Variants in SGSM1 observed in about 807,000 individuals in gnomAD.
SGSM1 encodes RUN and TBC1 domain containing 2.
SGSM1 carries 73 observed loss-of-function variants against 133.8 expected under a neutral mutation model. That is an observed-to-expected ratio of 0.55 (90% CI 0.45 to 0.66). The LOEUF is 0.66. Ranked by LOEUF, SGSM1 falls within the 30% of genes least tolerant of loss-of-function variation. SGSM1 has a pLI of 0.00. For synonymous variants in SGSM1, 563 were observed against 573.0 expected (o/e 0.98, Z 0.25); for missense variants, 1,213 against 1,448.1 (o/e 0.84, Z 2.64).
At chr22:24,811,162 CT>C (rs1308769194) in intron 2 of SGSM1, among the ~76,000 whole-genome samples, 1 of 152,126 alleles carries the variant, frequency 6.6e-6, no homozygotes, top group African/African-American at 2.4e-5. Context: ...CTATCAGCAT[CT>C]AGTGGGAAGA....
intron 8 of SGSM1, among the ~76,000 whole-genome samples, chr22:24,859,075 A>C (rs1930975117): frequency 1.3e-5 from 2 of 152,222 alleles, no homozygotes; most frequent in Admixed American, 1.3e-4. Context: ...AAATCAAGAC[A>C]GTGCGTGTGA....
Position 24,826,700 on chromosome 22 carries a change from C to T in SGSM1, c.64-18197C>T, listed in dbSNP as rs536273953. ...GGGTAGCGATGGCAGGTGTGAGGCC[C>T]TGTTTTAGACAAGGTGATCAGGGAG... On this transcript the variant is annotated intron_variant, in intron 2 of 24. Transcript: ENST00000400358. Among the ~76,000 whole-genome samples, 13 of 152,196 alleles carry T rather than the reference C, an allele frequency of 8.5e-5. No individual in the cohort carries two copies. The East Asian group carries it at 2.3e-3, about 27-fold the overall frequency.
rs1036916675 is a variant in SGSM1, at chr22:24,927,037, G to C, written c.*2763G>C. On this transcript the variant is annotated 3_prime_UTR_variant, in exon 25 of 25. Transcript: ENST00000400358. The stretch of plus-strand genomic sequence containing the variant: ...TTAGCTGGCTCTTACCACAAGTAAT[G>C]CTGCATTACAAATGACCCAAAAAGT... 1 of 152,082 alleles carries C rather than the reference G, an allele frequency of 6.6e-6. No individual in the cohort carries two copies. Among genetic ancestry groups the C allele is most frequent in the Admixed American group, 6.6e-5 (1 of 15,264 alleles). 9.4% of individuals were successfully genotyped at this position (152,082 alleles called of 1,614,324 possible). A position where few individuals can be genotyped will look rare whatever the true frequency, so the allele number is the denominator to read the frequency against.
At chr22:24,918,989 C>T (rs10222230) in intron 23 of SGSM1, among the ~76,000 whole-genome samples, 90 of 151,632 alleles carry the variant, frequency 5.9e-4, no homozygotes, top group African/African-American at 2.1e-3. Flanking sequence ...GATCCACCCA[C>T]CTCAGCCTCC....
Position 24,886,731 on chromosome 22 carries a change from C to G in SGSM1, c.1770+3C>G, listed in dbSNP as rs774924781. ...TGACGGAAACAGAAAGGAAAGAGGTCGGTTACCTGCCATGGGCACTGGGAT... is the reference window on the plus strand; with the variant it reads ...TGACGGAAACAGAAAGGAAAGAGGTGGGTTACCTGCCATGGGCACTGGGAT... On this transcript the variant is annotated splice_donor_region_variant and intron_variant, in intron 16 of 24. Transcript: ENST00000400358. The G allele has an allele frequency of 1.3e-6, 2 of 1,581,862 alleles. No individual in the cohort carries two copies. Among genetic ancestry groups the G allele is most frequent in the South Asian group, 1.2e-5 (1 of 86,056 alleles).
intron 12 of SGSM1, among the ~76,000 whole-genome samples, chr22:24,876,086 A>G (rs1932010993): frequency 6.6e-6 from 1 of 152,176 alleles, no homozygotes; most frequent in Non-Finnish European, 1.5e-5. Context: ...TAGCCTCAGG[A>G]CCATGGACAG....
intron 21 of SGSM1, among the ~76,000 whole-genome samples, chr22:24,912,342 C>T (rs1472525624): frequency 6.6e-6 from 1 of 152,166 alleles, no homozygotes; most frequent in Non-Finnish European, 1.5e-5. Flanking sequence ...AGAAGTCTTT[C>T]CTGTCTTCTC....
chr22:24,833,159 T>C (rs1302590690), intron 2 of SGSM1, among the ~76,000 whole-genome samples: 2 of 151,518 alleles, frequency 1.3e-5, no homozygotes, highest in Non-Finnish European at 1.5e-5. Context: ...GGTCTGGAAC[T>C]CCTGACCTCA....
chr22:24,889,207 GC>G (rs1403910930), intron 16 of SGSM1, among the ~76,000 whole-genome samples: 5 of 152,004 alleles, frequency 3.3e-5, no homozygotes, highest in Admixed American at 1.3e-4. Flanking sequence ...TGATCCGCCT[GC>G]CTTGGCCTCC....
chr22:24,874,201 G>T (rs1931904942), intron 12 of SGSM1, among the ~76,000 whole-genome samples: 1 of 152,188 alleles, frequency 6.6e-6, no homozygotes. Context: ...GTTTGCTCAG[G>T]TCGTAAACTT....
In SGSM1 at chr22:24,901,846, A is replaced by T; in HGVS notation, c.2624A>T (p.Asp875Val). 6.2e-7 allele frequency: 1 copy of T among 1,613,016 alleles called. No individual in the cohort carries two copies. Among genetic ancestry groups the T allele is most frequent in the African/African-American group, 1.3e-5 (1 of 75,022 alleles). ...SGVTYSPELL[D>V]LYTVNLHRIE... ...GATGGCCTATAGCCAGAGCTGCTGG[A>T]TCTGTACACGGTGAACCTGCACCGC... is the stretch of plus-strand genomic sequence containing the variant. The change falls in exon 20 of 25, where the codon GAT (aspartate) becomes GTT (valine). Residue 875 changes from aspartate (D) to valine (V), a missense_variant. Asp to Val is a radical substitution (Grantham distance 152). Coordinates refer to ENST00000400358, the MANE Select transcript of SGSM1 (RefSeq NM_001098497.3).
intron 17 of SGSM1, 65 bp from the exon 18 acceptor site, chr22:24,895,158 G>T (rs1478495093): frequency 4.7e-6 from 7 of 1,504,412 alleles, no homozygotes; most frequent in Non-Finnish European, 4.5e-6. Context: ...CAGCCCAGCA[G>T]TCCTTCCTGC....
At chr22:24,869,637 G>T (rs760440953) in intron 12 of SGSM1, among the ~76,000 whole-genome samples, 3 of 152,194 alleles carry the variant, frequency 2.0e-5, no homozygotes, top group Non-Finnish European at 4.4e-5. Context: ...AAGATTCAAT[G>T]AGATGATGAG....
chr22:24,880,739 G>A (rs1416151681), intron 14 of SGSM1, among the ~76,000 whole-genome samples: 1 of 152,196 alleles, frequency 6.6e-6, no homozygotes, highest in Non-Finnish European at 1.5e-5. Context: ...TGGGGGAGTC[G>A]AGATGGGTCT....
chr22:24,834,107 G>C (rs774325097), intron 2 of SGSM1, among the ~76,000 whole-genome samples: 21 of 152,272 alleles, frequency 1.4e-4, no homozygotes, highest in Non-Finnish European at 1.5e-4. Context: ...CCTCTCTGGA[G>C]GTGACAGCAG....
In SGSM1 at chr22:24,890,182, T is replaced by C. The variant is rs533871109; in HGVS notation, c.1771-3249T>C. Among the ~76,000 whole-genome samples, 13 of 151,628 alleles carry C rather than the reference T, an allele frequency of 8.6e-5. No homozygotes were observed. The South Asian group carries it at 2.3e-3, about 27-fold the overall frequency. On this transcript the variant is annotated intron_variant, in intron 16 of 24. Coordinates refer to ENST00000400358, the MANE Select transcript of SGSM1 (RefSeq NM_001098497.3). ...CGTGTTAGATAGGATGGTCTCGATC[T>C]CCTGACCTTGTGATCCGCCCGCCTT... is the stretch of plus-strand genomic sequence containing the variant.
At chr22:24,893,984 A>G (rs995981763) in intron 17 of SGSM1, among the ~76,000 whole-genome samples, 2 of 152,234 alleles carry the variant, frequency 1.3e-5, no homozygotes, top group African/African-American at 4.8e-5. Context: ...AGTATCTACT[A>G]TGTGCAGGTA....
chr22:24,854,955 C>A, intron 5 of SGSM1, 41 bp from the exon 6 acceptor site: 2 of 1,546,812 alleles, frequency 1.3e-6, no homozygotes, highest in Non-Finnish European at 1.8e-6. Context: ...GCGTCCTCTG[C>A]TGGTCTCCAT....
rs1555919461 is a variant in SGSM1 at position 24,818,241 on chromosome 22, A to AAAAT, written c.63+11760_63+11761insTAAA. On this transcript the variant is annotated intron_variant, in intron 2 of 24. Transcript: ENST00000400358. ...AGCAAGACTCTGTCTCAAAAAAAAA[A>AAAAT]AAAATAAAATAAAATAAAACAAACA... Among the ~76,000 whole-genome samples, 65 of 150,838 alleles carry AAAAT rather than the reference A, an allele frequency of 4.3e-4. 1 individual carries two copies. The highest frequency in any genetic ancestry group is 5.4e-4 in the African/African-American group (22 of 40,832).
Sources: gnomAD v4.1 joint callset for allele counts (sites outside exome capture counted in the v4.1 genomes callset) on GRCh38, gnomAD v4.1.1 for gene constraint, MANE v1.5 for transcripts, NCBI Gene and HGNC (gene_info 2026-07-23, HGNC 2026-07-21) for gene names.